The following PPP2R5E variants were observed in gnomAD, a reference collection of about 807,000 sequenced individuals.
PPP2R5E encodes the protein serine/threonine-protein phosphatase 2A 56 kDa regulatory subunit epsilon isoform.
In PPP2R5E, 4 loss-of-function variants were observed where a neutral mutation model predicts 65.3. The ratio of observed to expected loss-of-function variants is 0.06; its 90% CI spans 0.03 to 0.14. PPP2R5E has a LOEUF of 0.14. PPP2R5E is among the 10% of genes least tolerant of loss of function. The pLI is 1.00. For synonymous variants in PPP2R5E, 183 were observed against 187.4 expected, an observed-to-expected ratio of 0.98 and a Z score of 0.19; for missense variants, 274 against 556.1, an observed-to-expected ratio of 0.49 and a Z score of 5.10.
chr14:63,533,510 G>A (rs1027620743), intron 2 of PPP2R5E, among the ~76,000 whole-genome samples: 1 of 152,164 alleles, frequency 6.6e-6, no homozygotes, highest in Non-Finnish European at 1.5e-5. Flanking sequence ...GTGGTGAGCC[G>A]AGATCGCACC....
chr14:63,513,632 A>T (rs1280450048), intron 2 of PPP2R5E, among the ~76,000 whole-genome samples: 1 of 152,204 alleles, frequency 6.6e-6, no homozygotes, highest in Non-Finnish European at 1.5e-5. Context: ...AACAAACAGA[A>T]ATTTTCCTTT....
intron 5 of PPP2R5E, among the ~76,000 whole-genome samples, chr14:63,406,410 C>CAAAAAA (rs569875121): frequency 1.2e-5 from 1 of 83,350 alleles, no homozygotes; most frequent in East Asian, 3.2e-4. Flanking sequence ...GACTTCATCT[C>CAAAAAA]AAAAAAAAAA....
At chr14:63,468,473 T>G (rs1258500211) in intron 2 of PPP2R5E, among the ~76,000 whole-genome samples, 1 of 152,232 alleles carries the variant, frequency 6.6e-6, no homozygotes, top group Non-Finnish European at 1.5e-5. Context: ...CAGCTATCAG[T>G]ACATGCATCA....
chr14:63,455,792 G>A (rs572240955), intron 2 of PPP2R5E, among the ~76,000 whole-genome samples: 6 of 151,896 alleles, frequency 4.0e-5, no homozygotes, highest in Admixed American at 3.3e-4. Context: ...CCTAGCAGCC[G>A]AATGGGAATA....
At chr14:63,469,516 A>C (rs558474255) in intron 2 of PPP2R5E, among the ~76,000 whole-genome samples, 209 of 151,840 alleles carry the variant, frequency 1.4e-3, no homozygotes, top group African/African-American at 4.7e-3. Context: ...CACGGTGAAA[A>C]CCCATCTCTA....
chr14:63,508,762 T>C (rs1594954431), intron 2 of PPP2R5E, among the ~76,000 whole-genome samples: 1 of 152,336 alleles, frequency 6.6e-6, no homozygotes, highest in South Asian at 2.1e-4. Context: ...TTCCACTAAA[T>C]ATTTAAAGCT....
intron 3 of PPP2R5E, among the ~76,000 whole-genome samples, chr14:63,437,730 C>A (rs557318448): frequency 5.5e-4 from 84 of 152,168 alleles, no homozygotes; most frequent in Non-Finnish European, 9.7e-4. Flanking sequence ...ATTATCCTCC[C>A]AAGACCCCAC....
chr14:63,518,277 T>G (rs113057721), intron 2 of PPP2R5E, among the ~76,000 whole-genome samples: 1,814 of 152,302 alleles, frequency 0.012, 30 homozygotes, highest in African/African-American at 0.042. Context: ...GGTCTCACTC[T>G]GTCACCCAGT....
At chr14:63,471,027 G>A (rs1280967181) in intron 2 of PPP2R5E, among the ~76,000 whole-genome samples, 1 of 152,058 alleles carries the variant, frequency 6.6e-6, no homozygotes, top group East Asian at 1.9e-4. Flanking sequence ...ACATTTCTTT[G>A]AAAAAAGCCA....
chr14:63,495,417 C>CAAAAAAAAAAAAA (rs772700927), intron 2 of PPP2R5E, among the ~76,000 whole-genome samples: 70 of 93,210 alleles, frequency 7.5e-4, no homozygotes, highest in South Asian at 1.8e-3. Context: ...ACTAAAAATA[C>CAAAAAAAAAAAAA]AAAAAAAAAA....
At chr14:63,539,354 T>C (rs1328616150) in intron 2 of PPP2R5E, among the ~76,000 whole-genome samples, 175 bp downstream of exon 2, 4 of 152,212 alleles carry the variant, frequency 2.6e-5, no homozygotes, top group Non-Finnish European at 5.9e-5. Flanking sequence ...CAGACTAAAT[T>C]GAGCCTTTAA....
intron 2 of PPP2R5E, among the ~76,000 whole-genome samples, chr14:63,515,514 G>C (rs1349893112): frequency 6.6e-6 from 1 of 151,462 alleles, no homozygotes; most frequent in Non-Finnish European, 1.5e-5. Context: ...TTGTTTTTGT[G>C]AACATTATCA....
chr14:63,432,824 C>A (rs990579915), intron 3 of PPP2R5E, among the ~76,000 whole-genome samples: 1 of 152,098 alleles, frequency 6.6e-6, no homozygotes, highest in African/African-American at 2.4e-5. Flanking sequence ...ACAACCTAAA[C>A]GTTCATCAAA....
intron 2 of PPP2R5E, among the ~76,000 whole-genome samples, chr14:63,491,412 A>G (rs1174521637): frequency 6.6e-6 from 1 of 152,156 alleles, no homozygotes; most frequent in African/African-American, 2.4e-5. Context: ...CCTTATTGAG[A>G]TATGCTGTAA....
intron 2 of PPP2R5E, among the ~76,000 whole-genome samples, chr14:63,469,020 G>A (rs1160554935): frequency 6.6e-6 from 1 of 152,120 alleles, no homozygotes; most frequent in Non-Finnish European, 1.5e-5. Flanking sequence ...TATGATAGGT[G>A]GTTTCAACCT....
intron 4 of PPP2R5E, among the ~76,000 whole-genome samples, chr14:63,418,736 A>G: frequency 6.6e-6 from 1 of 152,202 alleles, no homozygotes; most frequent in South Asian, 2.1e-4. Context: ...GTTGAATAAC[A>G]TACAGAGTAG....
chr14:63,474,441 T>TAAC (rs1356690207), intron 2 of PPP2R5E, among the ~76,000 whole-genome samples: 1 of 152,094 alleles, frequency 6.6e-6, no homozygotes, highest in Non-Finnish European at 1.5e-5. Context: ...TAGAGATGTT[T>TAAC]ATAAGACATA....
At chr14:63,432,971 A>C (rs1304848642) in intron 3 of PPP2R5E, among the ~76,000 whole-genome samples, 5 of 148,558 alleles carry the variant, frequency 3.4e-5, no homozygotes, top group Admixed American at 2.0e-4. Flanking sequence ...AGGAGAGAGG[A>C]CTCAAACCTA....
intron 3 of PPP2R5E, among the ~76,000 whole-genome samples, chr14:63,425,976 A>G (rs921397186): frequency 1.8e-4 from 27 of 152,206 alleles, no homozygotes; most frequent in African/African-American, 6.5e-4. Flanking sequence ...ACACACTGTC[A>G]TTTCTTCAGA....
Sources: gnomAD v4.1 joint callset for allele counts (sites outside exome capture counted in the v4.1 genomes callset) on GRCh38, gnomAD v4.1.1 for gene constraint, MANE v1.5 for transcripts, NCBI Gene and HGNC (gene_info 2026-07-23, HGNC 2026-07-21) for gene names.